The following HACD3 variants were observed in gnomAD, a reference collection of about 807,000 sequenced individuals.
HACD3 encodes the protein 3-hydroxyacyl-CoA dehydratase 3, also known as very-long-chain (3R)-3-hydroxyacyl-CoA dehydratase 3.
In HACD3, 30 loss-of-function variants were observed where a neutral mutation model predicts 55.2. The ratio of observed to expected loss-of-function variants is 0.54; its 90% CI spans 0.41 to 0.74. The LOEUF (loss-of-function observed/expected upper bound fraction) is 0.74. Ranked by LOEUF, HACD3 falls within the 30% of genes least tolerant of loss-of-function variation. HACD3 has a pLI of 0.00. For synonymous variants in HACD3, 141 were observed against 151.7 expected (o/e 0.93, Z 0.52); for missense variants, 363 against 440.1 (o/e 0.82, Z 1.57).
intron 5 of HACD3, among the ~76,000 whole-genome samples, chr15:65,559,984 T>C (rs1368720047): frequency 1.3e-5 from 2 of 151,990 alleles, no homozygotes; most frequent in Non-Finnish European, 2.9e-5. Context: ...AGAAATAACT[T>C]TTAATTAGCT....
chr15:65,551,364 C>T (rs1209682371), intron 1 of HACD3, among the ~76,000 whole-genome samples: 2 of 152,166 alleles, frequency 1.3e-5, no homozygotes, highest in Non-Finnish European at 2.9e-5. Flanking sequence ...CTCTGTATTC[C>T]CGTGTCATAT....
chr15:65,571,596 C>T lies in HACD3; in HGVS notation c.822C>T (p.Leu274=). ...GCATTGACATGGATTGGAAGGTGCT[C>T]ACATGGCTTCGTTACACTCTGTGGA... is the stretch of plus-strand genomic sequence containing the variant. ...LTCIDMDWKV[L]TWLRYTLWIP... is the part of the protein sequence containing the mutation. The change falls in exon 9 of 11, where the codon CTC becomes CTT. Residue 274 remains leucine (L), a synonymous_variant. Coordinates refer to ENST00000261875, the MANE Select transcript of HACD3 (RefSeq NM_016395.4). 6.2e-7 allele frequency: 1 copy of T among 1,613,896 alleles called. No individual in the cohort carries two copies. Among genetic ancestry groups the T allele is most frequent in the Non-Finnish European group, 8.5e-7 (1 of 1,179,808 alleles).
intron 6 of HACD3, 92 bp from the exon 7 acceptor site, chr15:65,564,123 G>A (rs2072269454): frequency 1.4e-6 from 2 of 1,441,312 alleles, no homozygotes; most frequent in Non-Finnish European, 1.9e-6. Flanking sequence ...CTTTCTTACA[G>A]TTATTTTCAC....
At chr15:65,546,769 A>G (rs1333513185) in intron 1 of HACD3, among the ~76,000 whole-genome samples, 1 of 152,056 alleles carries the variant, frequency 6.6e-6, no homozygotes, top group Non-Finnish European at 1.5e-5. Context: ...GTAGATTTAA[A>G]TGTTTTCAAA....
chr15:65,547,679 C>T (rs999519696), intron 1 of HACD3, among the ~76,000 whole-genome samples: 3 of 152,210 alleles, frequency 2.0e-5, no homozygotes, highest in African/African-American at 7.2e-5. Context: ...CTCTTCTGCA[C>T]ACATACTAAT....
chr15:65,540,424 G>T (rs1006735734), intron 1 of HACD3, among the ~76,000 whole-genome samples: 3 of 152,214 alleles, frequency 2.0e-5, no homozygotes, highest in Admixed American at 6.5e-5. Context: ...AGAATAATTG[G>T]TAGAGGCTAT....
chr15:65,531,044 G>T (rs951808070), intron 1 of HACD3, among the ~76,000 whole-genome samples: 2 of 152,198 alleles, frequency 1.3e-5, no homozygotes, highest in African/African-American at 4.8e-5. Flanking sequence ...CCTGGCCGTC[G>T]GGGTTCGAGT....
rs369215583 is a variant in HACD3, at chr15:65,541,520, T to C, written c.88-10156T>C. Among the ~76,000 whole-genome samples the C allele has an allele frequency of 3.3e-5, 5 of 152,302 alleles. No individual in the cohort carries two copies. The East Asian group carries it at 7.7e-4, about 23-fold the overall frequency. On this transcript the variant is annotated intron_variant, in intron 1 of 10. Transcript: ENST00000261875. Reference sequence around the variant, plus strand: ...AAGATGGTGTTAAAAAAGACCTTGTTATATAGGATTTGGGCTTTGATTATG... The same window carrying C: ...AAGATGGTGTTAAAAAAGACCTTGTCATATAGGATTTGGGCTTTGATTATG...
chr15:65,561,781 G>C (rs1055401777), intron 5 of HACD3, among the ~76,000 whole-genome samples: 2 of 151,994 alleles, frequency 1.3e-5, no homozygotes, highest in African/African-American at 4.8e-5. Flanking sequence ...ACAGATGGAG[G>C]GCTCAGTCCC....
At chr15:65,540,742 A>C (rs2072012185) in intron 1 of HACD3, among the ~76,000 whole-genome samples, 1 of 152,222 alleles carries the variant, frequency 6.6e-6, no homozygotes, top group Admixed American at 6.5e-5. Flanking sequence ...GAAACTATTA[A>C]AGAGTTTTAA....
chr15:65,533,283 T>G (rs1273586158), intron 1 of HACD3, among the ~76,000 whole-genome samples: 2 of 152,070 alleles, frequency 1.3e-5, no homozygotes, highest in African/African-American at 2.4e-5. Flanking sequence ...TGTTGGTGAT[T>G]AGGGGAGGGG....
At chr15:65,555,097 A>T in intron 3 of HACD3, 137 bp downstream of exon 3, 1 of 704,636 alleles carries the variant, frequency 1.4e-6, no homozygotes, top group Non-Finnish European at 2.4e-6. Flanking sequence ...TATTTGGAAC[A>T]GAGCCCAGGT....
In HACD3 at chr15:65,556,863, G is replaced by T; in HGVS notation, c.329G>T (p.Trp110Leu). ...TTTTTGGCTCCTGACTTTGATCGTT[G>T]GCTGGATGAATCTGATGCGGAAATG... ...PLFLAPDFDR[W>L]LDESDAEMEL... The change falls in exon 4 of 11, where the codon TGG becomes TTG. Residue 110 changes from tryptophan (W) to leucine (L), a missense_variant. Transcript: ENST00000261875. 1.9e-6 allele frequency: 3 copies of T among 1,613,076 alleles called. No individual in the cohort carries two copies. The highest frequency in any genetic ancestry group is 2.5e-6 in the Non-Finnish European group (3 of 1,179,512).
At position 65,556,828 on chromosome 15, in the gene HACD3, G is replaced by A. The variant is rs1162621779; in HGVS notation, c.294G>A (p.Lys98=). 1 of 1,612,892 alleles carries A rather than the reference G, an allele frequency of 6.2e-7. No homozygotes were observed. The highest frequency in any genetic ancestry group is 8.5e-7 in the Non-Finnish European group (1 of 1,179,404). ...QWWERLTKQE[K]RPLFLAPDFD... The stretch of plus-strand genomic sequence containing the variant: ...GGGAGAGACTCACAAAGCAGGAAAA[G>A]CGACCACTGTTTTTGGCTCCTGACT... Residue 98 remains lysine (K), a synonymous_variant, in exon 4 of 11, where the codon AAG becomes AAA. Coordinates refer to ENST00000261875, the MANE Select transcript of HACD3 (RefSeq NM_016395.4).
intron 4 of HACD3, among the ~76,000 whole-genome samples, chr15:65,558,246 T>C (rs756716804): frequency 6.6e-6 from 1 of 152,254 alleles, no homozygotes; most frequent in Non-Finnish European, 1.5e-5. Flanking sequence ...TCTGTTAAGC[T>C]AAACGTGAGT....
chr15:65,530,693 TGCGCGTG>T lies in HACD3; in HGVS notation c.64_70del (p.Arg22SerfsTer2). ...GCTCAGCGACACCGCGAGCTATATC[TGCGCGTG>T]GAGCTGAGTGACGTACAGGTAAAGG... On this transcript the variant is annotated frameshift_variant, in exon 1 of 11. Transcript: ENST00000261875. LOFTEE classifies it high-confidence loss of function. The T allele has an allele frequency of 6.4e-7, 1 of 1,574,506 alleles. No individual in the cohort carries two copies. The highest frequency in any genetic ancestry group is 8.6e-7 in the Non-Finnish European group (1 of 1,161,246).
intron 1 of HACD3, among the ~76,000 whole-genome samples, chr15:65,544,054 G>A (rs1223971954): frequency 1.3e-5 from 2 of 152,116 alleles, no homozygotes; most frequent in Non-Finnish European, 2.9e-5. Context: ...GTGGGCGCCT[G>A]TAGTCCCAGC....
At position 65,554,979 on chromosome 15, in the gene HACD3, C is replaced by T. The variant is rs1215128525; in HGVS notation, c.204+19C>T. 6.4e-7 allele frequency: 1 copy of T among 1,559,764 alleles called. No individual in the cohort carries two copies. Among genetic ancestry groups the T allele is most frequent in the African/African-American group, 1.4e-5 (1 of 73,760 alleles). ...ACCAGAGGTATGTTCTTTCCTTTCT[C>T]ACTTCCCTTCCCATTTTAGGAAATG... On this transcript the variant is annotated intron_variant, in intron 3 of 10. Coordinates refer to ENST00000261875, the MANE Select transcript of HACD3 (RefSeq NM_016395.4).
Position 65,530,512 on chromosome 15 carries a change from G to C in HACD3, c.-120G>C, listed in dbSNP as rs1429523614. ...AGCGTGGGGTATCTCGAGGTGCCGG[G>C]TTGCAGGCGCTCAGGAGCGCTAGGG... On this transcript the variant is annotated 5_prime_UTR_variant, in exon 1 of 11. Transcript: ENST00000261875. The C allele has an allele frequency of 1.2e-6, 1 of 856,122 alleles. No homozygotes were observed. The highest frequency in any genetic ancestry group is 1.7e-6 in the Non-Finnish European group (1 of 581,500). 53.0% of individuals were successfully genotyped at this position (856,122 alleles called of 1,614,324 possible). A position where few individuals can be genotyped will look rare whatever the true frequency, so the allele number is the denominator to read the frequency against.
Sources: allele counts gnomAD v4.1 joint callset (sites outside exome capture counted in the v4.1 genomes callset), GRCh38; gene constraint gnomAD v4.1.1; transcripts MANE v1.5; gene names NCBI Gene and HGNC (gene_info 2026-07-23, HGNC 2026-07-21).